Variants in RASAL2 observed in about 807,000 individuals in gnomAD.
The protein encoded by RASAL2 is RAS protein activator like 2.
RASAL2 carries 58 observed loss-of-function variants against 128.9 expected under a neutral mutation model. The observed-to-expected ratio is 0.45, with a 90% CI of 0.36 to 0.56. The LOEUF is 0.56. Among genes scored for constraint, RASAL2 ranks in the 20% least tolerant of loss-of-function variants. The pLI is 0.00. For synonymous variants in RASAL2, 561 were observed against 580.8 expected (o/e 0.97, Z 0.49); for missense variants, 1,360 against 1,601.6 (o/e 0.85, Z 2.57).
At chr1:178,128,957 G>A (rs115557499) in intron 1 of RASAL2, among the ~76,000 whole-genome samples, 1 of 151,996 alleles carries the variant, frequency 6.6e-6, no homozygotes, top group African/African-American at 2.4e-5. Context: ...ATGGACATTT[G>A]GGTTGTTCGG....
intron 3 of RASAL2, among the ~76,000 whole-genome samples, chr1:178,333,531 C>A (rs1463461640): frequency 6.6e-6 from 1 of 151,822 alleles, no homozygotes; most frequent in Non-Finnish European, 1.5e-5. Flanking sequence ...AAGGTCATCA[C>A]CAAAGTCTGA....
At chr1:178,314,631 T>G (rs1487565179) in intron 3 of RASAL2, among the ~76,000 whole-genome samples, 1 of 151,992 alleles carries the variant, frequency 6.6e-6, no homozygotes, top group East Asian at 1.9e-4. Context: ...TTTACAATAT[T>G]TTTTTTGACT....
intron 3 of RASAL2, among the ~76,000 whole-genome samples, chr1:178,315,666 G>C (rs1424285865): frequency 6.9e-6 from 1 of 145,100 alleles, no homozygotes; most frequent in Non-Finnish European, 1.5e-5. Flanking sequence ...ATTTGTTTGA[G>C]TTCACTGTAG....
At chr1:178,389,381 ACT>A (rs1672764533) in intron 3 of RASAL2, 1 of 560,776 alleles carries the variant, frequency 1.8e-6, no homozygotes, top group Non-Finnish European at 2.3e-6. Flanking sequence ...TATATATATC[ACT>A]CTATGAAAAA....
At chr1:178,354,267 C>T (rs1346209345) in intron 3 of RASAL2, among the ~76,000 whole-genome samples, 2 of 152,188 alleles carry the variant, frequency 1.3e-5, no homozygotes, top group South Asian at 2.1e-4. Flanking sequence ...AAAATCATCT[C>T]GATTGAGCAA....
At chr1:178,311,296 C>G (rs1303558660) in intron 3 of RASAL2, among the ~76,000 whole-genome samples, 1 of 112,564 alleles carries the variant, frequency 8.9e-6, no homozygotes, top group Non-Finnish European at 1.9e-5. Context: ...ACATTGAAAG[C>G]TGAAAAGCAA....
chr1:178,451,895 A>G (rs966632002), intron 10 of RASAL2, among the ~76,000 whole-genome samples, 180 bp downstream of exon 10: 7 of 152,180 alleles, frequency 4.6e-5, no homozygotes, highest in African/African-American at 1.4e-4. Flanking sequence ...TGAAATCTCT[A>G]TTGTAAGCAG....
intron 4 of RASAL2, among the ~76,000 whole-genome samples, chr1:178,415,702 T>C (rs1172629397): frequency 6.6e-6 from 1 of 152,148 alleles, no homozygotes; most frequent in Non-Finnish European, 1.5e-5. Context: ...CTGTTTCTCC[T>C]AGCAACTCTT....
chr1:178,304,452 G>A (rs1250390591), intron 3 of RASAL2, among the ~76,000 whole-genome samples: 1 of 152,170 alleles, frequency 6.6e-6, no homozygotes, highest in African/African-American at 2.4e-5. Flanking sequence ...GAGCCTGGGA[G>A]GTTGAGGCTA....
At chr1:178,156,787 G>A (rs967489410) in intron 1 of RASAL2, among the ~76,000 whole-genome samples, 1 of 152,140 alleles carries the variant, frequency 6.6e-6, no homozygotes, top group Non-Finnish European at 1.5e-5. Context: ...ATTAAGGTCA[G>A]TGTTAAAAGC....
intron 1 of RASAL2, among the ~76,000 whole-genome samples, chr1:178,173,427 T>C (rs1210855976): frequency 1.6e-4 from 24 of 152,130 alleles, no homozygotes; most frequent in Admixed American, 1.5e-3. Flanking sequence ...CATCTAAATA[T>C]AGCATTTGCC....
At chr1:178,271,302 C>A (rs1666246094) in intron 1 of RASAL2, among the ~76,000 whole-genome samples, 1 of 152,166 alleles carries the variant, frequency 6.6e-6, no homozygotes, top group Admixed American at 6.6e-5. Context: ...TTTCTTCTAG[C>A]TTTTAAACTT....
At chr1:178,232,712 C>A (rs1176959391) in intron 1 of RASAL2, among the ~76,000 whole-genome samples, 1 of 152,138 alleles carries the variant, frequency 6.6e-6, no homozygotes, top group Non-Finnish European at 1.5e-5. Flanking sequence ...GTATAAATAG[C>A]ATTGATTTGC....
intron 2 of RASAL2, among the ~76,000 whole-genome samples, chr1:178,293,321 A>C (rs188368701): frequency 6.6e-6 from 1 of 152,372 alleles, no homozygotes; most frequent in East Asian, 1.9e-4. Flanking sequence ...TTAAGATGCC[A>C]CTGGCAATGG....
intron 5 of RASAL2, among the ~76,000 whole-genome samples, chr1:178,428,731 A>G (rs1420638259): frequency 6.6e-6 from 1 of 152,046 alleles, no homozygotes. Context: ...CTGGGATTAT[A>G]GGCATGAGCT....
chr1:178,429,997 GACTA>G (rs1179430132), intron 5 of RASAL2, among the ~76,000 whole-genome samples: 2 of 151,956 alleles, frequency 1.3e-5, no homozygotes, highest in Non-Finnish European at 2.9e-5. Flanking sequence ...TTTATTCTAG[GACTA>G]ACTTTTTTAT....
chr1:178,131,242 T>G (rs1660102898), intron 1 of RASAL2, among the ~76,000 whole-genome samples: 1 of 152,096 alleles, frequency 6.6e-6, no homozygotes. Flanking sequence ...GGTTTCACTC[T>G]GTGGCCCAGA....
chr1:178,131,126 C>A (rs1458147228), intron 1 of RASAL2, among the ~76,000 whole-genome samples: 1 of 151,538 alleles, frequency 6.6e-6, no homozygotes, highest in Non-Finnish European at 1.5e-5. Context: ...GAGATTAATT[C>A]ATGTTTTAAA....
rs71297900 is a variant in RASAL2 at position 178,141,193 on chromosome 1, C to CTTTTTTTTTTTTTTTT, written c.202+46509_202+46524dup. ...CTGGAGACCACTTTTCTTTTCTTTT[C>CTTTTTTTTTTTTTTTT]TTTTTTTTTTTTTTTTTTTTTTTTT... is the stretch of plus-strand genomic sequence containing the variant. On this transcript the variant is annotated intron_variant, in intron 1 of 17. Coordinates refer to ENST00000367649, the MANE Select transcript of RASAL2 (RefSeq NM_170692.4). Among the ~76,000 whole-genome samples the CTTTTTTTTTTTTTTTT allele has an allele frequency of 4.6e-3, 342 of 73,858 alleles. 7 individuals carry two copies. Among genetic ancestry groups the CTTTTTTTTTTTTTTTT allele is most frequent in the East Asian group, 8.8e-3 (18 of 2,052 alleles). The allele number at this position is 73,858 out of a possible 152,430, so 48.5% of individuals were successfully genotyped here.
Sources: gnomAD v4.1 joint callset for allele counts (sites outside exome capture counted in the v4.1 genomes callset) on GRCh38, gnomAD v4.1.1 for gene constraint, MANE v1.5 for transcripts, NCBI Gene and HGNC (gene_info 2026-07-23, HGNC 2026-07-21) for gene names.